CDH12: variants seen among roughly 807,000 people sequenced by gnomAD.
CDH12 encodes cadherin-12.
A neutral mutation model predicts 74.1 loss-of-function variants in CDH12; 41 were observed. The ratio of observed to expected loss-of-function variants is 0.55; its 90% CI spans 0.43 to 0.72. The LOEUF (loss-of-function observed/expected upper bound fraction) is 0.72. Ranked by LOEUF, CDH12 falls within the 30% of genes least tolerant of loss-of-function variation. CDH12 has a pLI of 0.00. For synonymous variants in CDH12, 399 were observed against 355.0 expected (o/e 1.12, Z -1.39); for missense variants, 945 against 977.2 (o/e 0.97, Z 0.44).
chr5:21,894,058 A>G (rs1186343873), intron 6 of CDH12, among the ~76,000 whole-genome samples: 1 of 152,198 alleles, frequency 6.6e-6, no homozygotes. Flanking sequence ...AAACAATTAA[A>G]GTATAGAATG....
intron 2 of CDH12, among the ~76,000 whole-genome samples, chr5:22,491,296 T>G (rs892503238): frequency 6.6e-6 from 1 of 152,062 alleles, no homozygotes; most frequent in African/African-American, 2.4e-5. Context: ...TGGCCTCCAG[T>G]TGTATTCATG....
intron 4 of CDH12, among the ~76,000 whole-genome samples, chr5:22,121,248 C>T (rs530138125): frequency 4.5e-4 from 69 of 152,192 alleles, no homozygotes; most frequent in African/African-American, 1.5e-3. Context: ...GGATGTTTGC[C>T]TAGTAAATGG....
chr5:22,247,040 A>G (rs1752970178), intron 3 of CDH12, among the ~76,000 whole-genome samples: 1 of 152,198 alleles, frequency 6.6e-6, no homozygotes, highest in Non-Finnish European at 1.5e-5. Flanking sequence ...CTGGACTAAA[A>G]TTGTGTTTTA....
intron 1 of CDH12, among the ~76,000 whole-genome samples, chr5:22,579,946 C>A (rs560317990): frequency 3.3e-5 from 5 of 152,278 alleles, no homozygotes; most frequent in African/African-American, 1.2e-4. Flanking sequence ...CCCAGCTACC[C>A]TGGTCTCTTC....
At chr5:22,683,722 T>C (rs1741617237) in intron 1 of CDH12, among the ~76,000 whole-genome samples, 1 of 152,208 alleles carries the variant, frequency 6.6e-6, no homozygotes, top group Non-Finnish European at 1.5e-5. Context: ...TAACTTGTAA[T>C]GAAACTTGGG....
intron 1 of CDH12, among the ~76,000 whole-genome samples, chr5:22,523,639 T>C (rs1404266645): frequency 6.6e-6 from 1 of 152,212 alleles, no homozygotes; most frequent in Non-Finnish European, 1.5e-5. Context: ...TATTATTGAC[T>C]TTACTAATAT....
chr5:22,474,918 T>C (rs1746107381), intron 2 of CDH12, among the ~76,000 whole-genome samples: 2 of 152,016 alleles, frequency 1.3e-5, no homozygotes. Context: ...TAACAAATTA[T>C]TACATACATT....
intron 6 of CDH12, among the ~76,000 whole-genome samples, chr5:21,894,793 G>A (rs956101495): frequency 4.6e-5 from 7 of 151,918 alleles, no homozygotes; most frequent in Non-Finnish European, 8.8e-5. Flanking sequence ...TTGGCAACAC[G>A]AAAAGAAATC....
intron 3 of CDH12, among the ~76,000 whole-genome samples, chr5:22,271,236 C>T (rs1305184055): frequency 1.3e-5 from 2 of 152,144 alleles, no homozygotes; most frequent in Non-Finnish European, 2.9e-5. Context: ...AAAGCATCTT[C>T]ACCAGGAGTA....
intron 4 of CDH12, among the ~76,000 whole-genome samples, chr5:22,083,107 A>G (rs940222021): frequency 6.6e-6 from 1 of 152,220 alleles, no homozygotes; most frequent in Non-Finnish European, 1.5e-5. Context: ...TTATTTTAAT[A>G]TGAATTTTGC....
chr5:22,367,352 G>A (rs138719782), intron 3 of CDH12, among the ~76,000 whole-genome samples: 46 of 152,234 alleles, frequency 3.0e-4, no homozygotes, highest in African/African-American at 1.1e-3. Flanking sequence ...AAGAGAAGCT[G>A]GGTCTTAGTG....
intron 3 of CDH12, among the ~76,000 whole-genome samples, chr5:22,336,654 C>T (rs763495780): frequency 1.3e-5 from 2 of 152,156 alleles, no homozygotes; most frequent in Non-Finnish European, 2.9e-5. Context: ...CCAGTGCACA[C>T]AAGTCAAGAA....
intron 6 of CDH12, chr5:21,884,307 T>C (rs1752516033): frequency 1.5e-6 from 2 of 1,342,292 alleles, no homozygotes; most frequent in East Asian, 4.6e-5. Context: ...AGGTGGCATG[T>C]TCTAACTCCT....
chr5:22,148,002 G>A (rs1747318449), intron 4 of CDH12, among the ~76,000 whole-genome samples: 1 of 152,136 alleles, frequency 6.6e-6, no homozygotes, highest in African/African-American at 2.4e-5. Context: ...CACACCAGTG[G>A]TTTCCATCCT....
chr5:21,838,661 C>A (rs1264680858), intron 8 of CDH12, among the ~76,000 whole-genome samples: 1 of 152,150 alleles, frequency 6.6e-6, no homozygotes, highest in South Asian at 2.1e-4. Context: ...TAGATTCAAC[C>A]TTGAATAAAT....
intron 3 of CDH12, among the ~76,000 whole-genome samples, chr5:22,355,523 AAT>A (rs70959720): frequency 0.018 from 1,506 of 83,996 alleles, 13 homozygotes; most frequent in African/African-American, 0.036. Context: ...TTAAAAAAAA[AAT>A]ATATATATAT....
chr5:21,841,014 A>C (rs1446520683), intron 8 of CDH12, among the ~76,000 whole-genome samples: 3 of 152,116 alleles, frequency 2.0e-5, no homozygotes, highest in Non-Finnish European at 4.4e-5. Context: ...AATGGGATCT[A>C]ATTAAACTAA....
chr5:22,604,387 A>G (rs1736996112), intron 1 of CDH12, among the ~76,000 whole-genome samples: 3 of 152,214 alleles, frequency 2.0e-5, no homozygotes, highest in South Asian at 2.1e-4. Context: ...ACTGAGAAAC[A>G]GTAAACTGTC....
At chr5:22,789,782 A>G (rs1181016479) in intron 1 of CDH12, among the ~76,000 whole-genome samples, 2 of 151,972 alleles carry the variant, frequency 1.3e-5, no homozygotes, top group Non-Finnish European at 2.9e-5. Flanking sequence ...TCAGTATGAA[A>G]TATGAACTTT....
Sources: allele counts gnomAD v4.1 joint callset (sites outside exome capture counted in the v4.1 genomes callset), GRCh38; gene constraint gnomAD v4.1.1; transcripts MANE v1.5; gene names NCBI Gene and HGNC (gene_info 2026-07-23, HGNC 2026-07-21).